The following IL1RN variants were observed in gnomAD, a reference collection of about 807,000 sequenced individuals.
IL1RN encodes interleukin 1 receptor antagonist.
A neutral mutation model predicts 13.7 loss-of-function variants in IL1RN; 10 were observed. The ratio of observed to expected loss-of-function variants is 0.73; its 90% CI spans 0.45 to 1.24. The LOEUF (loss-of-function observed/expected upper bound fraction) is 1.24, where lower values mean the gene tolerates loss of function less well. Among genes scored for constraint, IL1RN ranks in the 50% most tolerant of loss-of-function variants. The pLI is 0.00. For synonymous variants in IL1RN, 102 were observed against 82.7 expected (o/e 1.23, Z -1.27); for missense variants, 213 against 222.1 (o/e 0.96, Z 0.26).
Position 113,133,168 on chromosome 2 carries a change from C to A in IL1RN, c.*297C>A. On this transcript the variant is annotated 3_prime_UTR_variant, in exon 4 of 4. Coordinates refer to ENST00000409930, the MANE Select transcript of IL1RN (RefSeq NM_173842.3). ...GATCAAACCCCGACCACCTGCCCAA[C>A]CTGCTCTCCTCTTGCCACTGCCTCT... 2.1e-6 allele frequency: 1 copy of A among 471,626 alleles called. No homozygotes were observed. The highest frequency in any genetic ancestry group is 3.9e-6 in the Non-Finnish European group (1 of 255,076). The allele number at this position is 471,626 out of a possible 1,614,324, so 29.2% of individuals were successfully genotyped here.
At chr2:113,099,778 A>G in the IL1RN span, among the ~76,000 whole-genome samples, 30 of 105,674 alleles carry the variant, frequency 2.8e-4, no homozygotes, top group East Asian at 7.1e-3. Context: ...TCTGTCGCCC[A>G]GGCTGGAGTG....
upstream of IL1RN, among the ~76,000 whole-genome samples, chr2:113,106,838 A>G (rs904587475): frequency 1.2e-4 from 19 of 152,234 alleles, no homozygotes; most frequent in East Asian, 3.8e-4. Context: ...AAGAAAATAA[A>G]TCAAATTAAA....
At chr2:113,132,307 G>A (rs986052670) in intron 3 of IL1RN, among the ~76,000 whole-genome samples, 4 of 152,206 alleles carry the variant, frequency 2.6e-5, no homozygotes, top group African/African-American at 9.6e-5. Flanking sequence ...CATTAGACAG[G>A]TGTGGTGGTG....
intron 1 of IL1RN, among the ~76,000 whole-genome samples, chr2:113,112,494 G>A (rs919758491): frequency 1.3e-5 from 2 of 152,128 alleles, no homozygotes; most frequent in African/African-American, 2.4e-5. Flanking sequence ...TAAGGTAAAG[G>A]GATGTGAGTG....
At chr2:113,120,450 A>G (rs1686732191) in intron 2 of IL1RN, among the ~76,000 whole-genome samples, 1 of 152,226 alleles carries the variant, frequency 6.6e-6, no homozygotes, top group East Asian at 1.9e-4. Flanking sequence ...GTACAATTAT[A>G]ATCATTAACT....
upstream of IL1RN, among the ~76,000 whole-genome samples, chr2:113,125,911 G>C (rs940273274): frequency 2.0e-5 from 3 of 152,194 alleles, no homozygotes; most frequent in African/African-American, 7.2e-5. Flanking sequence ...TGATCCTCCT[G>C]CCTCAGCCTC....
At chr2:113,116,893 G>T (rs187644749), upstream of IL1RN, among the ~76,000 whole-genome samples, 55 of 152,308 alleles carry the variant, frequency 3.6e-4, no homozygotes, top group East Asian at 0.011. Context: ...GATAGCATCA[G>T]GTCCATTTTG....
Position 113,132,928 on chromosome 2 carries a change from A to C in IL1RN, c.*57A>C. 1 of 1,553,414 alleles carries C rather than the reference A, an allele frequency of 6.4e-7. No homozygotes were observed. The highest frequency in any genetic ancestry group is 2.2e-5 in the East Asian group (1 of 44,592). Reference sequence around the variant, plus strand: ...CATGGCAAGGACTGCAGGGACTGCCAGTCCCCCTGCCCCAGGGCTCCCGGC... The same window carrying C: ...CATGGCAAGGACTGCAGGGACTGCCCGTCCCCCTGCCCCAGGGCTCCCGGC... On this transcript the variant is annotated 3_prime_UTR_variant, in exon 4 of 4. Coordinates refer to ENST00000409930, the MANE Select transcript of IL1RN (RefSeq NM_173842.3).
chr2:113,132,869 T>C lies in IL1RN; in HGVS notation c.532T>C (p.Ter178GlnextTer32). Residue 178 changes from the stop codon to glutamine (Q), a stop_lost, in exon 4 of 4, where the codon TAG (stop) becomes CAG (glutamine). Transcript: ENST00000409930. The part of the protein sequence containing the change: ...VTKFYFQEDE[*>Q] ...CAAATTCTACTTCCAGGAGGACGAGTAGTACTGCCCAGGCCTGCCTGTTCC... is the reference window on the plus strand; with the variant it reads ...CAAATTCTACTTCCAGGAGGACGAGCAGTACTGCCCAGGCCTGCCTGTTCC... 6.2e-7 allele frequency: 1 copy of C among 1,613,574 alleles called. No homozygotes were observed. Among genetic ancestry groups the C allele is most frequent in the African/African-American group, 1.3e-5 (1 of 74,974 alleles).
chr2:113,131,505 AT>A (rs1306148773), intron 3 of IL1RN, among the ~76,000 whole-genome samples: 2 of 152,052 alleles, frequency 1.3e-5, no homozygotes, highest in Non-Finnish European at 1.5e-5. Flanking sequence ...GCATCATCCT[AT>A]TGGCCAAAGC....
upstream of IL1RN, among the ~76,000 whole-genome samples, chr2:113,105,033 C>G (rs1354667068): frequency 6.6e-6 from 1 of 152,140 alleles, no homozygotes; most frequent in Non-Finnish European, 1.5e-5. Context: ...GACATGGGAA[C>G]CCTGAAAGGA....
chr2:113,113,733 T>G (rs1401015549), upstream of IL1RN, among the ~76,000 whole-genome samples: 2 of 152,182 alleles, frequency 1.3e-5, no homozygotes, highest in Admixed American at 1.3e-4. Context: ...TACAGCTTTT[T>G]GTATGTCAAT....
At chr2:113,105,027 T>C (rs560748222), upstream of IL1RN, among the ~76,000 whole-genome samples, 2 of 152,218 alleles carry the variant, frequency 1.3e-5, no homozygotes, top group Non-Finnish European at 2.9e-5. Context: ...AACAAAGACA[T>C]GGGAACCCTG....
chr2:113,124,662 G>A (rs1686894543), upstream of IL1RN, among the ~76,000 whole-genome samples: 1 of 152,162 alleles, frequency 6.6e-6, no homozygotes, highest in African/African-American at 2.4e-5. Flanking sequence ...ATCACGTGCA[G>A]CATTTCATTC....
At position 113,133,552 on chromosome 2, in the gene IL1RN, A is replaced by G. The variant is rs1256063418; in HGVS notation, c.*681A>G. The stretch of plus-strand genomic sequence containing the variant: ...GTTATGGTACTATGTTAGCCCCATA[A>G]TTTTTTTTTTCCTTTTAAAACACTT... On this transcript the variant is annotated 3_prime_UTR_variant, in exon 4 of 4. Transcript: ENST00000409930. 1.3e-5 allele frequency: 2 copies of G among 150,710 alleles called. No individual in the cohort carries two copies. Among genetic ancestry groups the G allele is most frequent in the African/African-American group, 4.9e-5 (2 of 40,714 alleles). 9.3% of individuals were successfully genotyped at this position (150,710 alleles called of 1,614,324 possible).
upstream of IL1RN, among the ~76,000 whole-genome samples, chr2:113,110,736 C>A (rs1003251408): frequency 4.6e-5 from 7 of 152,240 alleles, no homozygotes; most frequent in Admixed American, 4.6e-4. Context: ...GGGATAAAAA[C>A]GCAACCTATA....
chr2:113,125,251 T>G (rs750885594), upstream of IL1RN, among the ~76,000 whole-genome samples: 1 of 152,254 alleles, frequency 6.6e-6, no homozygotes, highest in Non-Finnish European at 1.5e-5. Flanking sequence ...TTGGAAATTT[T>G]AAACGCTAAT....
At chr2:113,126,482 C>T (rs1686964648), upstream of IL1RN, among the ~76,000 whole-genome samples, 1 of 152,224 alleles carries the variant, frequency 6.6e-6, no homozygotes, top group Non-Finnish European at 1.5e-5. Flanking sequence ...TATGCTTCTG[C>T]ACCAGCACTG....
chr2:113,109,386 T>G (rs1686452145), upstream of IL1RN, among the ~76,000 whole-genome samples: 1 of 140,920 alleles, frequency 7.1e-6, no homozygotes, highest in African/African-American at 2.7e-5. Context: ...CATTCCAGCC[T>G]GGGCAGCAAG....
Sources: gnomAD v4.1 joint callset for allele counts (sites outside exome capture counted in the v4.1 genomes callset) on GRCh38, gnomAD v4.1.1 for gene constraint, MANE v1.5 for transcripts, NCBI Gene and HGNC (gene_info 2026-07-23, HGNC 2026-07-21) for gene names.